Variants in MNAT1 observed in about 807,000 individuals in gnomAD.
MNAT1 encodes CDK-activating kinase assembly factor MAT1.
Under a neutral mutation model 42.0 loss-of-function variants are expected in MNAT1, and 43 were observed. The observed-to-expected ratio is 1.02, with a 90% CI of 0.80 to 1.32. The LOEUF is 1.32. MNAT1 is among the 40% of genes most tolerant of loss of function. MNAT1 has a pLI of 0.00. For missense variants in MNAT1, 306 were observed against 350.4 expected, an observed-to-expected ratio of 0.87 and a Z score of 1.01; for synonymous variants, 118 against 120.0, an observed-to-expected ratio of 0.98 and a Z score of 0.11.
intron 7 of MNAT1, among the ~76,000 whole-genome samples, chr14:60,950,357 C>G (rs988749917): frequency 7.9e-5 from 12 of 152,168 alleles, no homozygotes; most frequent in African/African-American, 2.6e-4. Context: ...TTCAAATATA[C>G]TCATTAAGAA....
chr14:60,966,793 G>GT (rs1361366757), intron 7 of MNAT1, among the ~76,000 whole-genome samples: 1 of 152,168 alleles, frequency 6.6e-6, no homozygotes, highest in Admixed American at 6.5e-5. Context: ...GGTTACAGGT[G>GT]TGAGCCACTG....
intron 7 of MNAT1, among the ~76,000 whole-genome samples, chr14:60,955,643 A>C (rs926661751): frequency 1.8e-4 from 27 of 152,250 alleles, no homozygotes; most frequent in African/African-American, 6.5e-4. Flanking sequence ...CCTGGGCAAC[A>C]AGAACAAAAC....
chr14:60,756,319 G>T lies in MNAT1; in HGVS notation c.89+21368G>T, dbSNP rs150993901. Reference sequence around the variant, plus strand: ...GAAAAAAGTTTAGAATAGAACTTCTGCATTTTGGAGTATGCTACACTTGTC... The same window carrying T: ...GAAAAAAGTTTAGAATAGAACTTCTTCATTTTGGAGTATGCTACACTTGTC... On this transcript the variant is annotated intron_variant, in intron 1 of 7. Coordinates refer to ENST00000261245, the MANE Select transcript of MNAT1 (RefSeq NM_002431.4). Among the ~76,000 whole-genome samples the T allele has an allele frequency of 2.0e-4, 30 of 152,278 alleles. No individual in the cohort carries two copies. In the East Asian group the frequency reaches 5.6e-3, roughly 28 times the overall value.
intron 6 of MNAT1, among the ~76,000 whole-genome samples, chr14:60,843,562 G>T (rs1456892925): frequency 6.6e-6 from 1 of 152,034 alleles, no homozygotes; most frequent in Non-Finnish European, 1.5e-5. Flanking sequence ...GAGCCACTGC[G>T]TCCGGCCTCG....
At chr14:60,932,344 T>C (rs2035907290) in intron 7 of MNAT1, among the ~76,000 whole-genome samples, 1 of 152,088 alleles carries the variant, frequency 6.6e-6, no homozygotes, top group South Asian at 2.1e-4. Flanking sequence ...TGTTCATTGT[T>C]GGTTCATCAT....
intron 7 of MNAT1, among the ~76,000 whole-genome samples, chr14:60,960,589 G>A (rs2036569815): frequency 6.6e-6 from 1 of 152,044 alleles, no homozygotes; most frequent in African/African-American, 2.4e-5. Flanking sequence ...CCAAAGTTGG[G>A]ATCTTTCCCT....
chr14:60,872,422 T>A (rs1404746555), intron 6 of MNAT1, among the ~76,000 whole-genome samples: 1 of 152,198 alleles, frequency 6.6e-6, no homozygotes, highest in Non-Finnish European at 1.5e-5. Context: ...CTAGTTTTCC[T>A]GCCTCTGTTA....
intron 7 of MNAT1, among the ~76,000 whole-genome samples, chr14:60,948,450 A>G (rs2036323240): frequency 6.6e-6 from 1 of 152,258 alleles, no homozygotes; most frequent in Non-Finnish European, 1.5e-5. Flanking sequence ...TATTCGAGGC[A>G]TACAGAACCC....
At chr14:60,814,929 A>C (rs1406301548) in intron 5 of MNAT1, among the ~76,000 whole-genome samples, 6 of 152,158 alleles carry the variant, frequency 3.9e-5, no homozygotes, top group African/African-American at 1.4e-4. Flanking sequence ...TGAGAAATTA[A>C]AAACTTTAAA....
At chr14:60,858,419 G>GT (rs751077464) in intron 6 of MNAT1, among the ~76,000 whole-genome samples, 10,362 of 140,360 alleles carry the variant, frequency 0.074, 437 homozygotes, top group Middle Eastern at 0.12. Context: ...TTTTGATGGG[G>GT]TTTTTTTTTT....
chr14:60,959,089 G>A lies in MNAT1; in HGVS notation c.810-9140G>A, dbSNP rs112531508. ...ACACGTCACCACTTAGGCACCTGGA[G>A]ATTGGGAAGGCAGAAAACTGTGGGA... On this transcript the variant is annotated intron_variant, in intron 7 of 7. Coordinates refer to ENST00000261245, the MANE Select transcript of MNAT1 (RefSeq NM_002431.4). Among the ~76,000 whole-genome samples, 471 of 152,298 alleles carry A rather than the reference G, an allele frequency of 3.1e-3. 1 individual carries two copies. Among genetic ancestry groups the A allele is most frequent in the African/African-American group, 0.011 (448 of 41,574 alleles).
At chr14:60,945,317 G>A (rs1046855973) in intron 7 of MNAT1, among the ~76,000 whole-genome samples, 1 of 151,710 alleles carries the variant, frequency 6.6e-6, no homozygotes, top group African/African-American at 2.4e-5. Flanking sequence ...TAAGAGGGGA[G>A]TCAGGTAATT....
chr14:60,857,005 G>T (rs2033976125), intron 6 of MNAT1, among the ~76,000 whole-genome samples: 2 of 152,062 alleles, frequency 1.3e-5, no homozygotes, highest in Non-Finnish European at 2.9e-5. Context: ...AAATCCTAGG[G>T]TCTTTAAGAA....
intron 1 of MNAT1, among the ~76,000 whole-genome samples, chr14:60,758,514 T>C (rs1354728390): frequency 6.6e-6 from 1 of 152,034 alleles, no homozygotes; most frequent in Non-Finnish European, 1.5e-5. Context: ...ACTTGGACTA[T>C]TTCAACTGTC....
chr14:60,799,416 A>G (rs2032129175), intron 3 of MNAT1: 2 of 984,672 alleles, frequency 2.0e-6, no homozygotes, highest in Non-Finnish European at 2.4e-6. Context: ...GGCTCTATAT[A>G]GATACTAAGT....
chr14:60,820,718 C>G (rs894465488), intron 6 of MNAT1, among the ~76,000 whole-genome samples: 4 of 152,114 alleles, frequency 2.6e-5, no homozygotes, highest in Non-Finnish European at 5.9e-5. Flanking sequence ...CCTGGTGTCT[C>G]TATTCATCTG....
chr14:60,968,598 A>C lies in MNAT1; in HGVS notation c.*249A>C. The C allele has an allele frequency of 9.2e-7, 1 of 1,091,158 alleles. No homozygotes were observed. The allele number at this position is 1,091,158 out of a possible 1,614,324, so 67.6% of individuals were successfully genotyped here. A position where few individuals can be genotyped will look rare whatever the true frequency, so the allele number is the denominator to read the frequency against. ...TAAGCCTCATCTGATGGAAGAGAGG[A>C]ATAAATAATTCACCTATATGTGTTT... On this transcript the variant is annotated 3_prime_UTR_variant, in exon 8 of 8. Transcript: ENST00000261245.
intron 6 of MNAT1, among the ~76,000 whole-genome samples, chr14:60,849,657 A>G (rs1473525169): frequency 6.6e-6 from 1 of 152,154 alleles, no homozygotes; most frequent in Non-Finnish European, 1.5e-5. Flanking sequence ...TACAGATATG[A>G]TCACTAAGCA....
At chr14:60,932,654 G>T (rs928343600) in intron 7 of MNAT1, among the ~76,000 whole-genome samples, 1 of 151,718 alleles carries the variant, frequency 6.6e-6, no homozygotes, top group East Asian at 1.9e-4. Context: ...TGAATGCCAG[G>T]TAAGAATTTT....
Sources: allele counts gnomAD v4.1 joint callset (sites outside exome capture counted in the v4.1 genomes callset), GRCh38; gene constraint gnomAD v4.1.1; transcripts MANE v1.5; gene names NCBI Gene and HGNC (gene_info 2026-07-23, HGNC 2026-07-21).